The following EVA1A variants were observed in gnomAD, a reference collection of about 807,000 sequenced individuals.
EVA1A encodes protein eva-1 homolog A.
In EVA1A, 7 loss-of-function variants were observed where a neutral mutation model predicts 9.8. The ratio of observed to expected loss-of-function variants is 0.71; its 90% CI spans 0.41 to 1.34. The LOEUF is 1.34. EVA1A is among the 40% of genes most tolerant of loss of function. EVA1A has a pLI of 0.01. For missense variants in EVA1A, 206 were observed against 205.9 expected (o/e 1.00, Z 0.00); for synonymous variants, 90 against 85.6 (o/e 1.05, Z -0.28).
At chr2:75,562,262 A>C (rs747017643), upstream of EVA1A, among the ~76,000 whole-genome samples, 19 of 152,126 alleles carry the variant, frequency 1.2e-4, no homozygotes, top group Non-Finnish European at 2.5e-4. Flanking sequence ...GAGCTTTAAA[A>C]ACCAATAGGT....
chr2:75,525,373 T>C (rs763900678), intron 1 of EVA1A, among the ~76,000 whole-genome samples: 1 of 152,220 alleles, frequency 6.6e-6, no homozygotes, highest in African/African-American at 2.4e-5. Flanking sequence ...TAGGAACTTA[T>C]ATTTCCTCTT....
chr2:75,548,527 C>G (rs562364777), intron 1 of EVA1A, among the ~76,000 whole-genome samples: 1 of 152,272 alleles, frequency 6.6e-6, no homozygotes, highest in African/African-American at 2.4e-5. Context: ...TGTAACATCT[C>G]TACTCCCTTT....
At chr2:75,541,500 T>C (rs1283540541) in intron 1 of EVA1A, among the ~76,000 whole-genome samples, 1 of 152,188 alleles carries the variant, frequency 6.6e-6, no homozygotes, top group African/African-American at 2.4e-5. Flanking sequence ...TATGCCCTCA[T>C]GGGGTCAGGG....
intron 1 of EVA1A, among the ~76,000 whole-genome samples, chr2:75,551,818 C>T (rs563503738): frequency 2.0e-5 from 3 of 152,284 alleles, no homozygotes; most frequent in South Asian, 2.1e-4. Context: ...TATTATAATT[C>T]CTCTTCCCAT....
chr2:75,505,108 G>A (rs76617941), intron 3 of EVA1A, among the ~76,000 whole-genome samples: 2,384 of 152,234 alleles, frequency 0.016, 60 homozygotes, highest in African/African-American at 0.055. Flanking sequence ...TCCCATAGCT[G>A]CCCTAGAACT....
At chr2:75,526,277 G>A (rs992072267) in intron 1 of EVA1A, 14 of 152,148 alleles carry the variant, frequency 9.2e-5, no homozygotes, top group African/African-American at 3.4e-4. Flanking sequence ...TCAATAATAA[G>A]GTAGCAATGC....
At chr2:75,538,226 G>T (rs543377445) in intron 1 of EVA1A, among the ~76,000 whole-genome samples, 1 of 152,252 alleles carries the variant, frequency 6.6e-6, no homozygotes, top group East Asian at 1.9e-4. Flanking sequence ...GGAGGTGGAG[G>T]TTGCACCACT....
chr2:75,534,059 A>G (rs6547008), intron 1 of EVA1A, among the ~76,000 whole-genome samples: 44,119 of 151,612 alleles, frequency 0.29, 7,649 homozygotes, highest in African/African-American at 0.49. Context: ...TGATCCTCCC[A>G]CCTCAGCCTC....
At chr2:75,548,249 C>T (rs1025661389) in intron 1 of EVA1A, among the ~76,000 whole-genome samples, 1 of 152,248 alleles carries the variant, frequency 6.6e-6, no homozygotes, top group Non-Finnish European at 1.5e-5. Context: ...TCTCCCACTT[C>T]AGCCTCCCAA....
intron 1 of EVA1A, among the ~76,000 whole-genome samples, chr2:75,533,545 A>G (rs1476955851): frequency 6.6e-6 from 1 of 152,218 alleles, no homozygotes; most frequent in Non-Finnish European, 1.5e-5. Context: ...AAGAAAGCAC[A>G]AATATAGGTA....
chr2:75,563,901 T>G (rs1236933064), upstream of EVA1A, among the ~76,000 whole-genome samples: 1 of 152,208 alleles, frequency 6.6e-6, no homozygotes, highest in Admixed American at 6.5e-5. Flanking sequence ...TGAGGAGAGA[T>G]AACCCACAGA....
At chr2:75,541,657 T>C (rs1047306175) in intron 1 of EVA1A, 1 of 152,922 alleles carries the variant, frequency 6.5e-6, no homozygotes, top group South Asian at 2.1e-4. Context: ...GAGTCTCCAC[T>C]TGCACTTCCC....
intron 1 of EVA1A, among the ~76,000 whole-genome samples, chr2:75,534,450 A>T (rs1372379104): frequency 6.6e-6 from 1 of 152,034 alleles, no homozygotes; most frequent in Admixed American, 6.5e-5. Context: ...AAATACACTT[A>T]AAAACACTAC....
At chr2:75,522,918 G>C (rs1383940402) in intron 1 of EVA1A, among the ~76,000 whole-genome samples, 1 of 152,180 alleles carries the variant, frequency 6.6e-6, no homozygotes, top group Non-Finnish European at 1.5e-5. Flanking sequence ...GTCTCACACA[G>C]CTCTGTAGGA....
At chr2:75,531,191 T>C (rs2103892831) in intron 1 of EVA1A, among the ~76,000 whole-genome samples, 1 of 152,276 alleles carries the variant, frequency 6.6e-6, no homozygotes, top group African/African-American at 2.4e-5. Context: ...GGAATATACA[T>C]AACCAAGGAG....
chr2:75,501,841 G>C (rs1242244327), intron 3 of EVA1A, among the ~76,000 whole-genome samples: 1 of 152,172 alleles, frequency 6.6e-6, no homozygotes, highest in Non-Finnish European at 1.5e-5. Context: ...TGATCCTTCA[G>C]ACCAAAGTCT....
chr2:75,496,522 A>G lies in EVA1A; in HGVS notation c.86-2913T>C, dbSNP rs113172822. On this transcript the variant is annotated intron_variant, in intron 3 of 3. Coordinates refer to ENST00000393913, the MANE Select transcript of EVA1A (RefSeq NM_001135032.2). ...AAGAATTACAAAACACTGCTGAAAGAAATTAGAAATGTCACAAACAAATAG... is the reference window on the plus strand; with the variant it reads ...AAGAATTACAAAACACTGCTGAAAGGAATTAGAAATGTCACAAACAAATAG... 6.5e-3 allele frequency among the ~76,000 whole-genome samples: 987 copies of G among 152,360 alleles called. 8 individuals are homozygous for G. Among genetic ancestry groups the G allele is most frequent in the African/African-American group, 0.022 (932 of 41,574 alleles).
At chr2:75,501,286 G>T (rs1463945774) in intron 3 of EVA1A, among the ~76,000 whole-genome samples, 2 of 152,114 alleles carry the variant, frequency 1.3e-5, no homozygotes, top group African/African-American at 2.4e-5. Flanking sequence ...TTCTTACATT[G>T]ATGTAGTGCT....
chr2:75,503,410 C>T (rs533305164), intron 3 of EVA1A, among the ~76,000 whole-genome samples: 3 of 152,242 alleles, frequency 2.0e-5, no homozygotes, highest in East Asian at 3.9e-4. Flanking sequence ...AAATGTATTG[C>T]TGTATCTTGT....
Sources: allele counts gnomAD v4.1 joint callset (sites outside exome capture counted in the v4.1 genomes callset), GRCh38; gene constraint gnomAD v4.1.1; transcripts MANE v1.5; gene names NCBI Gene and HGNC (gene_info 2026-07-23, HGNC 2026-07-21).